Variants in ANO3 observed in about 807,000 individuals in gnomAD.
ANO3 encodes anoctamin 3, also known as anoctamin-3.
A neutral mutation model predicts 144.8 loss-of-function variants in ANO3; 99 were observed. That is an observed-to-expected ratio of 0.68 (90% CI 0.58 to 0.81). ANO3 has a LOEUF of 0.81. Among genes scored for constraint, ANO3 ranks in the 30% least tolerant of loss-of-function variants. The pLI is 0.00. For missense variants in ANO3, 905 were observed against 1,202.2 expected (o/e 0.75, Z 3.66); for synonymous variants, 414 against 392.6 (o/e 1.05, Z -0.64).
intron 1 of ANO3, among the ~76,000 whole-genome samples, chr11:26,273,371 C>T (rs761236059): frequency 2.0e-5 from 3 of 151,684 alleles, no homozygotes; most frequent in Non-Finnish European, 2.9e-5. Flanking sequence ...TCATAAGGAC[C>T]TTTAAGGCTC....
intron 17 of ANO3, among the ~76,000 whole-genome samples, chr11:26,605,879 A>T (rs1475292160): frequency 1.3e-5 from 2 of 151,940 alleles, no homozygotes; most frequent in East Asian, 3.9e-4. Context: ...CTTTTAAAAA[A>T]AAACCAACTC....
intron 1 of ANO3, among the ~76,000 whole-genome samples, chr11:26,300,217 GAC>G (rs149964961): frequency 1.3e-5 from 2 of 151,146 alleles, no homozygotes; most frequent in Non-Finnish European, 3.0e-5. Context: ...CACACACACA[GAC>G]ACACACACAC....
intron 17 of ANO3, among the ~76,000 whole-genome samples, chr11:26,610,471 C>T (rs919783840): frequency 1.3e-5 from 2 of 151,920 alleles, no homozygotes; most frequent in African/African-American, 4.8e-5. Flanking sequence ...TATATAGTTG[C>T]AAATATTTTC....
rs557376375 is a variant in ANO3 at position 26,407,080 on chromosome 11, A to G, written c.47-34838A>G. On this transcript the variant is annotated intron_variant, in intron 1 of 26. Transcript: ENST00000256737. ...TGTGTGTGTGTGTGTGTGTGTGTAT[A>G]TATATATATATATGTATATATATGC... 2.5e-3 allele frequency among the ~76,000 whole-genome samples: 342 copies of G among 137,220 alleles called. 1 individual carries two copies. Among genetic ancestry groups the G allele is most frequent in the African/African-American group, 8.4e-3 (311 of 36,940 alleles). 90.0% of individuals were successfully genotyped at this position (137,220 alleles called of 152,430 possible).
intron 14 of ANO3, among the ~76,000 whole-genome samples, chr11:26,587,634 T>C (rs1251453987): frequency 6.6e-6 from 1 of 152,106 alleles, no homozygotes; most frequent in African/African-American, 2.4e-5. Context: ...CACTGCAAGA[T>C]AGGTCCCACT....
At chr11:26,271,790 T>C (rs958822667) in intron 1 of ANO3, among the ~76,000 whole-genome samples, 5 of 147,886 alleles carry the variant, frequency 3.4e-5, no homozygotes, top group African/African-American at 1.2e-4. Flanking sequence ...CCTAGCACAG[T>C]AATTTGTATA....
chr11:26,521,041 T>TTCAC (rs1554964765), intron 6 of ANO3, among the ~76,000 whole-genome samples: 1 of 151,896 alleles, frequency 6.6e-6, no homozygotes, highest in Non-Finnish European at 1.5e-5. Context: ...GGATGTAACA[T>TTCAC]TAACTCCTTA....
At chr11:26,429,590 C>T (rs540092950) in intron 1 of ANO3, among the ~76,000 whole-genome samples, 2 of 151,962 alleles carry the variant, frequency 1.3e-5, no homozygotes, top group Admixed American at 6.6e-5. Context: ...TTTAACCTAC[C>T]TGTTAAAAGA....
chr11:26,316,867 C>T (rs1033455040), intron 1 of ANO3, among the ~76,000 whole-genome samples: 7 of 152,170 alleles, frequency 4.6e-5, no homozygotes, highest in Non-Finnish European at 8.8e-5. Context: ...GCAGTGTTGG[C>T]TCATTCTGGC....
chr11:26,407,070 G>A (rs373966261), intron 1 of ANO3, among the ~76,000 whole-genome samples: 37,913 of 97,718 alleles, frequency 0.39, 8,269 homozygotes, highest in Non-Finnish European at 0.5. Context: ...GTGTGTGTGT[G>A]TGTGTGTATA....
intron 1 of ANO3, among the ~76,000 whole-genome samples, chr11:26,237,250 C>T (rs565096292): frequency 6.6e-6 from 1 of 152,226 alleles, no homozygotes; most frequent in South Asian, 2.1e-4. Context: ...TTACAACCTA[C>T]AAAATCTTTT....
At chr11:26,349,285 C>T (rs1178321804) in intron 1 of ANO3, among the ~76,000 whole-genome samples, 1 of 152,106 alleles carries the variant, frequency 6.6e-6, no homozygotes, top group Non-Finnish European at 1.5e-5. Context: ...GATATTACTT[C>T]TGAAACTTAA....
chr11:26,439,478 C>T (rs941544200), intron 1 of ANO3, among the ~76,000 whole-genome samples: 16 of 152,080 alleles, frequency 1.1e-4, no homozygotes, highest in African/African-American at 3.9e-4. Context: ...AAATGGGGAT[C>T]GGCTGCGAAT....
chr11:26,363,680 C>A (rs991285768), intron 1 of ANO3, among the ~76,000 whole-genome samples: 1 of 152,120 alleles, frequency 6.6e-6, no homozygotes, highest in African/African-American at 2.4e-5. Flanking sequence ...GAGTCCACGC[C>A]TATGCTTTAT....
upstream of ANO3, among the ~76,000 whole-genome samples, chr11:26,330,117 G>A (rs1854999385): frequency 6.6e-6 from 1 of 152,152 alleles, no homozygotes; most frequent in African/African-American, 2.4e-5. Flanking sequence ...GGTCATAACT[G>A]ACTAGTAAGT....
intron 16 of ANO3, 49 bp downstream of exon 16, chr11:26,599,047 A>T (rs367741418): frequency 1.7e-4 from 275 of 1,583,774 alleles, no homozygotes; most frequent in Non-Finnish European, 1.4e-4. Flanking sequence ...CTAAATTTAG[A>T]AGTAAGTTCA....
intron 1 of ANO3, among the ~76,000 whole-genome samples, chr11:26,230,487 T>C (rs1852366685): frequency 6.6e-6 from 1 of 152,150 alleles, no homozygotes. Flanking sequence ...GATGCTTTCA[T>C]GCCATTCTAA....
chr11:26,409,717 C>T (rs1857382315), intron 1 of ANO3, among the ~76,000 whole-genome samples: 1 of 151,920 alleles, frequency 6.6e-6, no homozygotes, highest in African/African-American at 2.4e-5. Context: ...TTATTTCCAT[C>T]TAATTGTCTT....
chr11:26,389,960 A>G (rs1385857688), intron 1 of ANO3, among the ~76,000 whole-genome samples: 3 of 152,132 alleles, frequency 2.0e-5, no homozygotes, highest in Non-Finnish European at 2.9e-5. Flanking sequence ...GATGTTAAGT[A>G]TGTATGTAAC....
Sources: allele counts gnomAD v4.1 joint callset (sites outside exome capture counted in the v4.1 genomes callset), GRCh38; gene constraint gnomAD v4.1.1; transcripts MANE v1.5; gene names NCBI Gene and HGNC (gene_info 2026-07-23, HGNC 2026-07-21).